The following CETP variants were observed in gnomAD, a reference collection of about 807,000 sequenced individuals.
CETP encodes the protein BPI fold containing family F.
Under a neutral mutation model 66.5 loss-of-function variants are expected in CETP, and 56 were observed. The ratio of observed to expected loss-of-function variants is 0.84; its 90% CI spans 0.68 to 1.05. The LOEUF (loss-of-function observed/expected upper bound fraction) is 1.05, where lower values mean the gene tolerates loss of function less well. Among genes scored for constraint, CETP ranks in the 50% least tolerant of loss-of-function variants. The pLI, the probability that CETP is intolerant of heterozygous loss-of-function variation, is 0.00. For missense variants in CETP, 612 were observed against 609.6 expected, an observed-to-expected ratio of 1.00 and a Z score of -0.04; for synonymous variants, 251 against 245.7, an observed-to-expected ratio of 1.02 and a Z score of -0.20.
intron 2 of CETP, among the ~76,000 whole-genome samples, chr16:56,964,024 TTATTTA>T (rs1261394020): frequency 8.8e-6 from 1 of 113,206 alleles, no homozygotes; most frequent in African/African-American, 3.6e-5. Flanking sequence ...ATTTATTTAT[TTATTTA>T]TTTATTTATT....
rs190964678 is a variant in CETP at position 56,981,676 on chromosome 16, C to T, written c.1244C>T (p.Thr415Ile). 8.1e-6 allele frequency: 13 copies of T among 1,613,876 alleles called. No homozygotes were observed. In the Admixed American group the frequency reaches 2.0e-4, roughly 25 times the overall value. ...ACACCAAAGACTGTTTCCAACTTGACTGAGGTAGGTAGTCTTGGATAGACT... is the reference window on the plus strand; with the variant it reads ...ACACCAAAGACTGTTTCCAACTTGATTGAGGTAGGTAGTCTTGGATAGACT... ...QITPKTVSNL[T>I]ESSSESVQSF... Residue 415 changes from threonine (T) to isoleucine (I), a missense_variant, in exon 13 of 16, where the codon ACT becomes ATT. Physicochemically the swap from Thr to Ile is moderately conservative, Grantham distance 89. Coordinates refer to ENST00000200676, the MANE Select transcript of CETP (RefSeq NM_000078.3).
Position 56,969,964 on chromosome 16 carries a change from T to C in CETP, c.490T>C (p.Phe164Leu). 1 of 1,614,104 alleles carries C rather than the reference T, an allele frequency of 6.2e-7. No homozygotes were observed. Among genetic ancestry groups the C allele is most frequent in the Non-Finnish European group, 8.5e-7 (1 of 1,180,012 alleles). The change falls in exon 5 of 16, where the codon TTC (phenylalanine) becomes CTC (leucine). Residue 164 changes from phenylalanine to leucine, a missense_variant. Physicochemically the swap from Phe to Leu is conservative, Grantham distance 22. Coordinates refer to ENST00000200676, the MANE Select transcript of CETP (RefSeq NM_000078.3). ...RTDAPDCYLS[F>L]HKLLLHLQGE... ...CGATGCCCCTGACTGCTACCTGTCT[T>C]TCCATAAGCTGCTCCTGCATCTCCA...
rs2056094644 is a variant in CETP at position 56,969,667 on chromosome 16, T to C, written c.425T>C (p.Ile142Thr). 1.2e-6 allele frequency: 2 copies of C among 1,614,092 alleles called. No individual in the cohort carries two copies. Among genetic ancestry groups the C allele is most frequent in the South Asian group, 1.1e-5 (1 of 91,092 alleles). Residue 142 changes from isoleucine to threonine, a missense_variant, in exon 4 of 16, where the codon ATC becomes ACC. Coordinates refer to ENST00000200676, the MANE Select transcript of CETP (RefSeq NM_000078.3). The stretch of plus-strand genomic sequence containing the variant: ...ATCGACTCTGCCATTGACCTCCAGA[T>C]CAACACACAGCTGAGTATGTGTCAA... ...FEIDSAIDLQ[I>T]NTQLTCDSGR...
intron 4 of CETP, 27 bp downstream of exon 4, chr16:56,969,708 G>A: frequency 6.2e-7 from 1 of 1,612,202 alleles, no homozygotes; most frequent in Non-Finnish European, 8.5e-7. Context: ...CTCTGGGGAA[G>A]TGGGAGCTGG....
intron 2 of CETP, 43 bp downstream of exon 2, chr16:56,963,167 C>T (rs143275517): frequency 5.8e-5 from 87 of 1,491,722 alleles, no homozygotes; most frequent in Non-Finnish European, 6.5e-5. Flanking sequence ...GGTAGGGAGG[C>T]GGGAGGAACA....
At chr16:56,966,439 C>T (rs1284046941) in intron 2 of CETP, among the ~76,000 whole-genome samples, 1 of 152,176 alleles carries the variant, frequency 6.6e-6, no homozygotes, top group Non-Finnish European at 1.5e-5. Context: ...TTGAAAGGGC[C>T]TTTTCCCACT....
Position 56,972,071 on chromosome 16 carries a change from G to A in CETP, c.738G>A (p.Glu246=), listed in dbSNP as rs1174375191. The change falls in exon 8 of 16, where the codon GAG becomes GAA. Residue 246 remains glutamate (E), a synonymous_variant. Transcript: ENST00000200676. ...GDPVITASYL[E]SHHKGHFIYK... is the part of the protein sequence containing the mutation. The stretch of plus-strand genomic sequence containing the variant: ...CCGTCATCACAGCCTCCTACCTGGA[G>A]TCCCATCACAAGGTAGGAGTTGTGG... 6.2e-7 allele frequency: 1 copy of A among 1,613,946 alleles called. No individual in the cohort carries two copies. Among genetic ancestry groups the A allele is most frequent in the South Asian group, 1.1e-5 (1 of 91,082 alleles).
In CETP at chr16:56,971,014, T is replaced by A. The variant is rs201490558; in HGVS notation, c.528-19T>A. ...CACAGGACTGGTCAGGGGCTCATTG[T>A]GGTGCTTGCTGCCTTCAGGCCTGGG... On this transcript the variant is annotated intron_variant, in intron 5 of 15. Transcript: ENST00000200676. 5.1e-5 allele frequency: 83 copies of A among 1,613,808 alleles called. No individual in the cohort carries two copies. In the African/African-American group the frequency reaches 1.0e-3, roughly 20 times the overall value.
chr16:56,965,866 CG>C (rs17231569), intron 2 of CETP, among the ~76,000 whole-genome samples: 34,307 of 151,890 alleles, frequency 0.23, 4,314 homozygotes, highest in African/African-American at 0.33. Context: ...AAGTCCCCGG[CG>C]GCACAGGCAG....
intron 10 of CETP, among the ~76,000 whole-genome samples, chr16:56,976,528 G>A (rs1567474233): frequency 6.6e-6 from 1 of 150,872 alleles, no homozygotes; most frequent in African/African-American, 2.4e-5. Context: ...CTGGAGTGCA[G>A]TAGCACAATC....
At chr16:56,967,560 C>A (rs1025997263) in intron 2 of CETP, among the ~76,000 whole-genome samples, 1 of 148,986 alleles carries the variant, frequency 6.7e-6, no homozygotes, top group African/African-American at 2.5e-5. Context: ...GAGGCTGAGG[C>A]AGGAGAATCA....
At chr16:56,972,387 GC>G (rs67114203) in intron 8 of CETP, among the ~76,000 whole-genome samples, 106,745 of 151,992 alleles carry the variant, frequency 0.7, 37,633 homozygotes, top group South Asian at 0.79. Context: ...GTGGATTGTG[GC>G]CCCCCCCCAG....
chr16:56,972,213 T>C, intron 8 of CETP, 130 bp downstream of exon 8: 1 of 689,472 alleles, frequency 1.5e-6, no homozygotes, highest in Non-Finnish European at 2.6e-6. Flanking sequence ...CTCCTCCTCA[T>C]TCCTGATGCT....
intron 8 of CETP, among the ~76,000 whole-genome samples, chr16:56,972,519 A>C (rs1240044959): frequency 6.6e-6 from 1 of 152,234 alleles, no homozygotes; most frequent in Non-Finnish European, 1.5e-5. Context: ...TTGCGTTCTG[A>C]GCATCTGCAG....
intron 10 of CETP, among the ~76,000 whole-genome samples, chr16:56,977,562 T>C (rs1238605489): frequency 3.3e-5 from 5 of 152,172 alleles, no homozygotes; most frequent in African/African-American, 1.2e-4. Flanking sequence ...CTTTAAATAC[T>C]CCTCAGCTGC....
In CETP at chr16:56,969,617, T is replaced by C; in HGVS notation, c.375T>C (p.Gly125=). 1 of 1,614,118 alleles carries C rather than the reference T, an allele frequency of 6.2e-7. No individual in the cohort carries two copies. The highest frequency in any genetic ancestry group is 8.5e-7 in the Non-Finnish European group (1 of 1,180,012). ...GGTCCTTGGCTCTTTCCAGGCTGGGTATTGATCAGTCCATTGACTTCGAGA... is the reference window on the plus strand; with the variant it reads ...GGTCCTTGGCTCTTTCCAGGCTGGGCATTGATCAGTCCATTGACTTCGAGA... ...KYGYTTAWWL[G]IDQSIDFEID... The change falls in exon 4 of 16, where the codon GGT becomes GGC. Residue 125 remains glycine (G), a synonymous_variant. Transcript: ENST00000200676.
intron 9 of CETP, 133 bp downstream of exon 9, chr16:56,973,643 A>T (rs1444661298): frequency 5.2e-6 from 5 of 955,856 alleles, no homozygotes; most frequent in Non-Finnish European, 7.9e-6. Flanking sequence ...GAGCAATAGC[A>T]GTGAAGTCCA....
intron 6 of CETP, 23 bp from the exon 7 acceptor site, chr16:56,971,298 A>G (rs1180296479): frequency 6.2e-7 from 1 of 1,613,384 alleles, no homozygotes; most frequent in Non-Finnish European, 8.5e-7. Flanking sequence ...CTGCCTGGAA[A>G]GCACCTGCTC....
chr16:56,972,229 G>T, intron 8 of CETP, 146 bp downstream of exon 8: 1 of 669,274 alleles, frequency 1.5e-6, no homozygotes, highest in Non-Finnish European at 2.7e-6. Context: ...ATGCTCCTCC[G>T]CATTCCTGAT....
Sources: allele counts gnomAD v4.1 joint callset (sites outside exome capture counted in the v4.1 genomes callset), GRCh38; gene constraint gnomAD v4.1.1; transcripts MANE v1.5; gene names NCBI Gene and HGNC (gene_info 2026-07-23, HGNC 2026-07-21).